MBNL3: variants seen among roughly 807,000 people sequenced by gnomAD.
MBNL3 encodes muscleblind like splicing regulator 3.
In MBNL3, 6 loss-of-function variants were observed where a neutral mutation model predicts 24.5. The observed-to-expected ratio is 0.25, with a 90% confidence interval of 0.13 to 0.48. The LOEUF (loss-of-function observed/expected upper bound fraction) is 0.48, where lower values mean the gene tolerates loss of function less well. Ranked by LOEUF, MBNL3 falls within the 20% of genes least tolerant of loss-of-function variation. MBNL3 has a pLI of 0.99. For missense variants in MBNL3, 230 were observed against 293.5 expected (o/e 0.78, Z 1.58); for synonymous variants, 100 against 101.7 (o/e 0.98, Z 0.10).
chrX:132,386,279 C>T (rs908381484), intron 6 of MBNL3, among the ~76,000 whole-genome samples: 4 of 111,809 alleles, frequency 3.6e-5, no homozygotes, highest in African/African-American at 6.5e-5. Context: ...GACATATTGA[C>T]AACGCATTTC....
At chrX:132,489,681 G>A (rs1173127813), upstream of MBNL3, 4 of 88,066 alleles carry the variant, frequency 4.5e-5, no homozygotes, top group Non-Finnish European at 9.0e-5. Context: ...CGCCAAAACG[G>A]AAACTCCCGC....
intron 3 of MBNL3, among the ~76,000 whole-genome samples, chrX:132,396,857 C>CATAT (rs1380417733): frequency 3.4e-5 from 1 of 29,730 alleles, no homozygotes; most frequent in African/African-American, 2.4e-4. Flanking sequence ...CATATATATT[C>CATAT]ATATATATAT....
chrX:132,481,004 C>G (rs1947701201), intron 1 of MBNL3, among the ~76,000 whole-genome samples: 1 of 110,945 alleles, frequency 9.0e-6, no homozygotes, highest in Non-Finnish European at 1.9e-5. Flanking sequence ...TTTATTGTGG[C>G]CTTACAGAAT....
chrX:132,479,578 C>T (rs1377961883), intron 1 of MBNL3, among the ~76,000 whole-genome samples: 2 of 112,266 alleles, frequency 1.8e-5, no homozygotes, highest in East Asian at 5.6e-4. Flanking sequence ...ATTTGTGGAA[C>T]ATTTTAAACT....
At position 132,374,002 on chromosome X, in the gene MBNL3, C is replaced by T. The variant is rs918793962; in HGVS notation, c.*5664G>A. 1 of 111,355 alleles carries T rather than the reference C, an allele frequency of 9.0e-6. No individual in the cohort carries two copies. The highest frequency in any genetic ancestry group is 1.9e-5 in the Non-Finnish European group (1 of 52,862). 9.2% of individuals were successfully genotyped at this position (111,355 alleles called of 1,213,427 possible). ...CCTTTGTTGAAGGGAATGAACGGCCCTATGCTGGCCATCCTTAACTGTTAA... is the reference window on the plus strand; with the variant it reads ...CCTTTGTTGAAGGGAATGAACGGCCTTATGCTGGCCATCCTTAACTGTTAA... On this transcript the variant is annotated 3_prime_UTR_variant, in exon 9 of 9. Coordinates refer to ENST00000370853, the MANE Select transcript of MBNL3 (RefSeq NM_001386889.1).
intron 2 of MBNL3, among the ~76,000 whole-genome samples, chrX:132,434,471 T>C (rs1944994572): frequency 8.9e-6 from 1 of 112,425 alleles, no homozygotes; most frequent in Non-Finnish European, 1.9e-5. Context: ...TATCAGTTTT[T>C]ACAAAAGAAA....
chrX:132,401,994 A>G (rs1941017914), intron 3 of MBNL3, among the ~76,000 whole-genome samples: 2 of 111,751 alleles, frequency 1.8e-5, no homozygotes, highest in Admixed American at 9.5e-5. Context: ...CTATCAGATG[A>G]TTCAATTTGA....
At chrX:132,380,324 G>A (rs1934662056) in intron 8 of MBNL3, among the ~76,000 whole-genome samples, 2 of 112,112 alleles carry the variant, frequency 1.8e-5, no homozygotes, top group East Asian at 5.6e-4. Flanking sequence ...AGTTGGGCAA[G>A]TGTTGGCAAA....
rs141805193 is a variant in MBNL3, at chrX:132,386,617, C to A, written c.922+44G>T. 3.9e-5 allele frequency: 47 copies of A among 1,199,597 alleles called. No individual in the cohort carries two copies. In the African/African-American group the frequency reaches 5.8e-4, roughly 15 times the overall value. ...AGCTGTTTTGCATTGTATACATTCA[C>A]AACATCACCAAACTCGCTGCAGTGC... On this transcript the variant is annotated intron_variant, in intron 6 of 8. Transcript: ENST00000370853.
intron 1 of MBNL3, among the ~76,000 whole-genome samples, chrX:132,442,762 CT>C (rs1945452544): frequency 8.9e-6 from 1 of 112,472 alleles, no homozygotes; most frequent in Admixed American, 9.4e-5. Flanking sequence ...TTTTCTTTTT[CT>C]TTTTAAAAAT....
intron 2 of MBNL3, among the ~76,000 whole-genome samples, chrX:132,409,875 A>C (rs1942475718): frequency 8.9e-6 from 1 of 111,953 alleles, no homozygotes; most frequent in Non-Finnish European, 1.9e-5. Context: ...GACTTAAAAA[A>C]CATGTCATTC....
intron 2 of MBNL3, among the ~76,000 whole-genome samples, chrX:132,420,252 C>T (rs753145837): frequency 1.6e-3 from 183 of 112,034 alleles, no homozygotes; most frequent in African/African-American, 5.9e-3. Flanking sequence ...GCCTTTAGCC[C>T]GATCGGGAGC....
chrX:132,448,325 G>A (rs1318245103), intron 1 of MBNL3, among the ~76,000 whole-genome samples: 2 of 111,751 alleles, frequency 1.8e-5, no homozygotes, highest in Non-Finnish European at 3.8e-5. Context: ...TTCAGAATTT[G>A]TTATTGGTCT....
At position 132,464,768 on chromosome X, in the gene MBNL3, G is replaced by A. The variant is rs1946803990; in HGVS notation, c.-704+24083C>T. 2.7e-5 allele frequency among the ~76,000 whole-genome samples: 3 copies of A among 111,842 alleles called. No homozygotes were observed. In the South Asian group the frequency reaches 1.1e-3, roughly 41 times the overall value. ...GTTTTAAAAACCATCTGGCCGGTGC[G>A]GTGGCTCACACCTGTAATCCTGCAC... On this transcript the variant is annotated intron_variant, in intron 1 of 8. Coordinates refer to ENST00000370853, the MANE Select transcript of MBNL3 (RefSeq NM_001386889.1).
intron 1 of MBNL3, among the ~76,000 whole-genome samples, chrX:132,455,741 C>T (rs1409190993): frequency 1.8e-5 from 2 of 111,990 alleles, no homozygotes; most frequent in Non-Finnish European, 3.8e-5. Context: ...CATGTTGGAA[C>T]TTAATTCCTG....
intron 1 of MBNL3, among the ~76,000 whole-genome samples, chrX:132,471,143 T>C (rs1947157574): frequency 9.0e-6 from 1 of 110,818 alleles, no homozygotes; most frequent in Admixed American, 9.5e-5. Context: ...ACAGAGTAAG[T>C]AGCTGTTACT....
chrX:132,392,769 G>A (rs1242671459), intron 3 of MBNL3, among the ~76,000 whole-genome samples: 1 of 110,338 alleles, frequency 9.1e-6, no homozygotes, highest in Non-Finnish European at 1.9e-5. Context: ...CATCAATACT[G>A]CTTGGCTGTA....
intron 8 of MBNL3, chrX:132,381,578 T>C (rs889295937): frequency 6.4e-6 from 2 of 312,340 alleles, no homozygotes; most frequent in African/African-American, 5.4e-5. Flanking sequence ...ATAATTATTG[T>C]ATGTATCTCC....
chrX:132,469,296 C>G (rs371474306), intron 1 of MBNL3, among the ~76,000 whole-genome samples: 1 of 112,682 alleles, frequency 8.9e-6, no homozygotes, highest in Non-Finnish European at 1.9e-5. Flanking sequence ...ACATCTTCAT[C>G]TCTAGTGTCT....
Sources: gnomAD v4.1 joint callset for allele counts (sites outside exome capture counted in the v4.1 genomes callset) on GRCh38, gnomAD v4.1.1 for gene constraint, MANE v1.5 for transcripts, NCBI Gene and HGNC (gene_info 2026-07-23, HGNC 2026-07-21) for gene names.